CD4: variants seen among roughly 807,000 people sequenced by gnomAD.
CD4 encodes T-cell surface glycoprotein CD4.
In CD4, 25 loss-of-function variants were observed where a neutral mutation model predicts 50.5. The observed-to-expected ratio is 0.49, with a 90% CI of 0.36 to 0.69. The LOEUF is 0.69. Ranked by LOEUF, CD4 falls within the 30% of genes least tolerant of loss-of-function variation. The pLI is 0.00. For missense variants in CD4, 456 were observed against 548.5 expected, an observed-to-expected ratio of 0.83 and a Z score of 1.68; for synonymous variants, 207 against 221.9, an observed-to-expected ratio of 0.93 and a Z score of 0.60.
In CD4 at chr12:6,819,522, C is replaced by T. The variant is rs1943215089; in HGVS notation, c.*193C>T. ...AGTGTTGCTCTCTAGTTTCCAGAGG[C>T]TTAATCACACCGTCCTCCACGCCAT... On this transcript the variant is annotated 3_prime_UTR_variant, in exon 10 of 10. Coordinates refer to ENST00000011653, the MANE Select transcript of CD4 (RefSeq NM_000616.5). 1.6e-6 allele frequency: 1 copy of T among 615,068 alleles called. No homozygotes were observed. Among genetic ancestry groups the T allele is most frequent in the Non-Finnish European group, 2.9e-6 (1 of 344,114 alleles). 38.1% of individuals were successfully genotyped at this position (615,068 alleles called of 1,614,324 possible).
intron 1 of CD4, among the ~76,000 whole-genome samples, chr12:6,794,971 G>C (rs1460938712): frequency 6.6e-6 from 1 of 150,698 alleles, no homozygotes; most frequent in African/African-American, 2.4e-5. Context: ...ATTTTTAGTA[G>C]AGAAGGGTTT....
Position 6,816,314 on chromosome 12 carries a change from C to T in CD4, c.866C>T (p.Pro289Leu). Residue 289 changes from proline (P) to leucine (L), a missense_variant, in exon 6 of 10, where the codon CCT (proline) becomes CTT (leucine). Physicochemically the swap from Pro to Leu is moderately conservative, Grantham distance 98. Coordinates refer to ENST00000011653, the MANE Select transcript of CD4 (RefSeq NM_000616.5). This position sits in a 1 kb window ranked among gnomAD's most constrained non-coding sequence, Gnocchi z 4.9. ...PLHLTLPQAL[P>L]QYAGSGNLTL... Reference sequence around the variant, plus strand: ...CACCTCACCCTGCCCCAGGCCTTGCCTCAGTATGCTGGCTCTGGAAACCTC... The same window carrying T: ...CACCTCACCCTGCCCCAGGCCTTGCTTCAGTATGCTGGCTCTGGAAACCTC... 6.2e-7 allele frequency: 1 copy of T among 1,614,210 alleles called. No individual in the cohort carries two copies. Among genetic ancestry groups the T allele is most frequent in the Non-Finnish European group, 8.5e-7 (1 of 1,180,034 alleles).
chr12:6,807,075 G>C (rs1476406847), intron 3 of CD4, among the ~76,000 whole-genome samples: 1 of 152,140 alleles, frequency 6.6e-6, no homozygotes, highest in East Asian at 1.9e-4. Flanking sequence ...GCTGAGGCAG[G>C]AGAATGGTGT....
At chr12:6,799,525 T>A (rs2137856288) in intron 1 of CD4, 1 of 153,640 alleles carries the variant, frequency 6.5e-6, no homozygotes, top group South Asian at 2.0e-4. Context: ...TACATGTGCA[T>A]CTTTTTTTGC....
At chr12:6,798,928 C>T (rs1450698840) in intron 1 of CD4, 1 of 152,300 alleles carries the variant, frequency 6.6e-6, no homozygotes, top group Non-Finnish European at 1.5e-5. Flanking sequence ...CCCAGCATCT[C>T]AGCACGGCCT....
chr12:6,815,698 C>T, intron 5 of CD4: 2 of 1,313,230 alleles, frequency 1.5e-6, no homozygotes, highest in Non-Finnish European at 2.0e-6. Context: ...ACAGAGTAAG[C>T]CCTAGTTAAG....
intron 1 of CD4, among the ~76,000 whole-genome samples, chr12:6,790,565 C>T (rs1341809781): frequency 1.3e-5 from 2 of 152,172 alleles, no homozygotes; most frequent in Non-Finnish European, 2.9e-5. Context: ...CTCATGAGGC[C>T]GGGAGAGTTA....
At chr12:6,796,618 C>T (rs955653648) in intron 1 of CD4, among the ~76,000 whole-genome samples, 1 of 152,212 alleles carries the variant, frequency 6.6e-6, no homozygotes, top group Admixed American at 6.5e-5. Context: ...TCCCGAAGCT[C>T]CACACAGACC....
chr12:6,818,532 G>T lies in CD4; in HGVS notation c.1268G>T (p.Arg423Leu), dbSNP rs782211194. The T allele has an allele frequency of 1.9e-6, 3 of 1,612,706 alleles. No homozygotes were observed. Among genetic ancestry groups the T allele is most frequent in the Non-Finnish European group, 2.5e-6 (3 of 1,180,000 alleles). ...GLGIFFCVRC[R>L]HRRRQAERMS... ...GGCATCTTCTTCTGTGTCAGGTGCCGGCACCGAAGGGTGAGTAACCCCACA... is the reference window on the plus strand; with the variant it reads ...GGCATCTTCTTCTGTGTCAGGTGCCTGCACCGAAGGGTGAGTAACCCCACA... The change falls in exon 8 of 10, where the codon CGG (arginine) becomes CTG (leucine). Residue 423 changes from arginine to leucine, a missense_variant. Coordinates refer to ENST00000011653, the MANE Select transcript of CD4 (RefSeq NM_000616.5). The surrounding 1 kb of genome is among the most constrained non-coding windows in gnomAD (Gnocchi z 5.0).
At chr12:6,814,516 AAAGGGAAGGAGGC>A (rs1281858075) in intron 4 of CD4, 5 of 640,812 alleles carry the variant, frequency 7.8e-6, no homozygotes, top group African/African-American at 7.3e-5. Flanking sequence ...AAAGGAAAGA[AAAGGGAAGGAGGC>A]AAGGGAAGGA....
rs1943180036 is a variant in CD4, at chr12:6,818,689, G to A, written c.1278+147G>A. 4 of 1,211,498 alleles carry A rather than the reference G, an allele frequency of 3.3e-6. No individual in the cohort carries two copies. Among genetic ancestry groups the A allele is most frequent in the African/African-American group, 1.5e-5 (1 of 66,706 alleles). 75.0% of individuals were successfully genotyped at this position (1,211,498 alleles called of 1,614,324 possible). ...CTGCCCTGTCCCAGATCCCACTCAA[G>A]GGAGAGACAGGAAGGAGCAGAGAGT... On this transcript the variant is annotated intron_variant, in intron 8 of 9. Transcript: ENST00000011653. The surrounding 1 kb of genome is among the most constrained non-coding windows in gnomAD (Gnocchi z 5.0).
At chr12:6,806,180 CACATACACAAGT>C (rs782511777) in intron 3 of CD4, among the ~76,000 whole-genome samples, 12,438 of 94,096 alleles carry the variant, frequency 0.13, 605 homozygotes, top group Non-Finnish European at 0.18. Context: ...CACACACACA[CACATACACAAGT>C]ATATACACAT....
In CD4 at chr12:6,814,895, C is replaced by T. The variant is rs143618857; in HGVS notation, c.510C>T (p.Ser170=). 13 of 1,613,332 alleles carry T rather than the reference C, an allele frequency of 8.1e-6. No individual in the cohort carries two copies. The highest frequency in any genetic ancestry group is 8.0e-5 in the African/African-American group (6 of 74,798). The part of the protein sequence containing the change: ...GKNIQGGKTL[S]VSQLELQDSG... ...ACATACAGGGGGGGAAGACCCTCTC[C>T]GTGTCTCAGCTGGAGCTCCAGGATA... Residue 170 remains serine, a synonymous_variant, in exon 5 of 10, where the codon TCC becomes TCT. Transcript: ENST00000011653.
At chr12:6,812,263 G>A (rs1460742402) in intron 3 of CD4, among the ~76,000 whole-genome samples, 1 of 152,268 alleles carries the variant, frequency 6.6e-6, no homozygotes, top group African/African-American at 2.4e-5. Flanking sequence ...GCCAGATGTG[G>A]TGGTGTACAC....
chr12:6,805,015 CAAAA>C (rs34087134), intron 3 of CD4, among the ~76,000 whole-genome samples: 1 of 96,932 alleles, frequency 1.0e-5, no homozygotes, highest in Non-Finnish European at 2.0e-5. Flanking sequence ...GACTACGTCT[CAAAA>C]AAAAAAAAAA....
At chr12:6,797,152 C>T (rs994534066) in intron 1 of CD4, among the ~76,000 whole-genome samples, 8 of 152,108 alleles carry the variant, frequency 5.3e-5, no homozygotes, top group Non-Finnish European at 8.8e-5. Flanking sequence ...GTCATGTTGC[C>T]GCTGCTACTG....
intron 3 of CD4, among the ~76,000 whole-genome samples, chr12:6,801,392 C>T (rs1942541974): frequency 6.7e-6 from 1 of 148,834 alleles, no homozygotes; most frequent in Non-Finnish European, 1.5e-5. Flanking sequence ...GGGTGCAGTC[C>T]TGTACTTCCA....
chr12:6,816,020 T>A lies in CD4; in HGVS notation c.608-36T>A. 3 of 1,613,006 alleles carry A rather than the reference T, an allele frequency of 1.9e-6. No homozygotes were observed. Among genetic ancestry groups the A allele is most frequent in the Non-Finnish European group, 2.5e-6 (3 of 1,179,672 alleles). ...CCACTCGTGCACCCTCATCTTCCTA[T>A]CTCCTCACCCAGGGTCTCTCCCTTC... On this transcript the variant is annotated intron_variant, in intron 5 of 9. Transcript: ENST00000011653. The surrounding 1 kb of genome is among the most constrained non-coding windows in gnomAD (Gnocchi z 4.9).
At position 6,819,808 on chromosome 12, in the gene CD4, A is replaced by G; in HGVS notation, c.*479A>G. 1 of 172,500 alleles carries G rather than the reference A, an allele frequency of 5.8e-6. No homozygotes were observed. Among genetic ancestry groups the G allele is most frequent in the Non-Finnish European group, 1.2e-5 (1 of 80,966 alleles). The allele number at this position is 172,500 out of a possible 1,614,324, so 10.7% of individuals were successfully genotyped here. A position where few individuals can be genotyped will look rare whatever the true frequency, so the allele number is the denominator to read the frequency against. On this transcript the variant is annotated 3_prime_UTR_variant, in exon 10 of 10. Transcript: ENST00000011653. ...GATCCAGAGGTTTCTGGCAGCCAGTACCTCCTGCCCCATGCTGCCCGCTTC... is the reference window on the plus strand; with the variant it reads ...GATCCAGAGGTTTCTGGCAGCCAGTGCCTCCTGCCCCATGCTGCCCGCTTC...
Sources: allele counts gnomAD v4.1 joint callset (sites outside exome capture counted in the v4.1 genomes callset), GRCh38; gene constraint gnomAD v4.1.1; non-coding constraint Gnocchi (gnomAD v3.1); transcripts MANE v1.5; gene names NCBI Gene and HGNC (gene_info 2026-07-23, HGNC 2026-07-21).